The following CAST variants were observed in gnomAD, a reference collection of about 807,000 sequenced individuals.
The protein encoded by CAST is MIR583 host.
A neutral mutation model predicts 119.6 loss-of-function variants in CAST; 76 were observed. The ratio of observed to expected loss-of-function variants is 0.64; its 90% CI spans 0.53 to 0.77. CAST has a LOEUF of 0.77. CAST is among the 30% of genes least tolerant of loss of function. The pLI is 0.00. For missense variants in CAST, 953 were observed against 946.5 expected (o/e 1.01, Z -0.09); for synonymous variants, 319 against 331.6 (o/e 0.96, Z 0.41).
chr5:96,275,692 A>G, the CAST span, among the ~76,000 whole-genome samples: 1,135 of 152,296 alleles, frequency 7.5e-3, 14 homozygotes, highest in African/African-American at 0.026. Flanking sequence ...TTATGTTCAG[A>G]TATTACTTAC....
the CAST span, among the ~76,000 whole-genome samples, chr5:96,299,288 C>CA: frequency 3.9e-5 from 4 of 103,548 alleles, no homozygotes; most frequent in Admixed American, 1.8e-4. Context: ...ACAACAACAA[C>CA]AACAAACAAA....
At chr5:96,484,985 T>C in the CAST span, among the ~76,000 whole-genome samples, 97 of 152,258 alleles carry the variant, frequency 6.4e-4, 2 homozygotes, top group Non-Finnish European at 1.5e-4. Context: ...AAGGCAAAGA[T>C]TGAAGTAAAC....
the CAST span, among the ~76,000 whole-genome samples, chr5:96,270,322 G>A: frequency 0.02 from 2,970 of 152,102 alleles, 102 homozygotes; most frequent in African/African-American, 0.068. Flanking sequence ...TTTCCTCTAA[G>A]ATCTGGAACA....
At chr5:96,663,001 G>A in intron 1 of CAST, 1 of 651,320 alleles carries the variant, frequency 1.5e-6, no homozygotes, top group East Asian at 2.8e-5. Context: ...CCACCTGGCA[G>A]CCGCCTTGGG....
chr5:96,293,012 TA>T, the CAST span, among the ~76,000 whole-genome samples: 142 of 152,300 alleles, frequency 9.3e-4, no homozygotes, highest in African/African-American at 3.3e-3. Context: ...AAAGTACGAA[TA>T]GGGGTGGAGG....
chr5:96,125,589 G>A, the CAST span, among the ~76,000 whole-genome samples: 7 of 152,060 alleles, frequency 4.6e-5, no homozygotes, highest in East Asian at 1.9e-4. Context: ...ACATTTTTGT[G>A]TTTGTTTTCC....
chr5:96,099,728 A>G, the CAST span, among the ~76,000 whole-genome samples: 3 of 152,210 alleles, frequency 2.0e-5, no homozygotes, highest in East Asian at 5.8e-4. Context: ...TTGGTTTACC[A>G]GTATTTTGTT....
chr5:96,430,882 T>A, the CAST span, among the ~76,000 whole-genome samples: 1 of 152,188 alleles, frequency 6.6e-6, no homozygotes, highest in South Asian at 2.1e-4. Context: ...CTCCCAAGAA[T>A]GATGATGTAT....
At chr5:96,658,048 G>A (rs905308726), upstream of CAST, among the ~76,000 whole-genome samples, 5 of 152,004 alleles carry the variant, frequency 3.3e-5, no homozygotes, top group Admixed American at 1.3e-4. Context: ...GCGGTGAGCC[G>A]AGATCATGCC....
At position 96,585,703 on chromosome 5, in the gene CAST, A is replaced by G. The variant is rs558433782; in HGVS notation, c.60+55823A>G. ...ATTGAGAGAGTTGCCCAGTCACCCA[A>G]CAACTCATAAAAATCTGCCAAGGAC... On this transcript the variant is annotated intron_variant, in intron 1 of 11. Transcript: ENST00000505143. 8.5e-5 allele frequency among the ~76,000 whole-genome samples: 13 copies of G among 152,330 alleles called. No individual in the cohort carries two copies. In the East Asian group the frequency reaches 9.6e-4, roughly 11 times the overall value.
the CAST span, among the ~76,000 whole-genome samples, chr5:96,413,292 C>A: frequency 1.3e-5 from 2 of 152,174 alleles, no homozygotes; most frequent in African/African-American, 4.8e-5. Flanking sequence ...CAGGCTGTCA[C>A]CCGTCATCAG....
intron 1 of CAST, among the ~76,000 whole-genome samples, chr5:96,532,197 T>C (rs1745701067): frequency 6.6e-6 from 1 of 152,036 alleles, no homozygotes; most frequent in South Asian, 2.1e-4. Flanking sequence ...AAATAAATTA[T>C]CAAAGACATA....
chr5:96,364,881 G>A, the CAST span, among the ~76,000 whole-genome samples: 1 of 152,084 alleles, frequency 6.6e-6, no homozygotes, highest in Non-Finnish European at 1.5e-5. Context: ...GAATGTGTTT[G>A]CTCTTGCTTC....
At chr5:96,052,101 G>A in the CAST span, among the ~76,000 whole-genome samples, 184 of 152,230 alleles carry the variant, frequency 1.2e-3, no homozygotes, top group African/African-American at 4.3e-3. Flanking sequence ...GAGTTAGTAC[G>A]TTCATGGGTG....
chr5:96,284,032 G>A, the CAST span, among the ~76,000 whole-genome samples: 1 of 152,134 alleles, frequency 6.6e-6, no homozygotes, highest in African/African-American at 2.4e-5. Context: ...GTAAGAGGCA[G>A]CATTAGCACC....
the CAST span, among the ~76,000 whole-genome samples, chr5:96,251,651 C>T: frequency 6.6e-6 from 1 of 152,048 alleles, no homozygotes; most frequent in South Asian, 2.1e-4. Flanking sequence ...AACTAATGTA[C>T]ACACTCTGGC....
At chr5:96,649,666 T>C (rs911888192) in intron 1 of CAST, among the ~76,000 whole-genome samples, 4 of 152,220 alleles carry the variant, frequency 2.6e-5, no homozygotes, top group Non-Finnish European at 4.4e-5. Flanking sequence ...GAACTAGTGA[T>C]GTAACTTTGA....
chr5:96,429,993 C>T, the CAST span, among the ~76,000 whole-genome samples: 1 of 152,160 alleles, frequency 6.6e-6, no homozygotes, highest in African/African-American at 2.4e-5. Context: ...CAGGCAAACA[C>T]CTGGGATACT....
chr5:96,240,707 G>A, the CAST span, among the ~76,000 whole-genome samples: 4 of 147,864 alleles, frequency 2.7e-5, no homozygotes, highest in South Asian at 4.3e-4. Context: ...GGGACCACAA[G>A]TGCATGTCAC....
Sources: allele counts gnomAD v4.1 joint callset (sites outside exome capture counted in the v4.1 genomes callset), GRCh38; gene constraint gnomAD v4.1.1; transcripts MANE v1.5; gene names NCBI Gene and HGNC (gene_info 2026-07-23, HGNC 2026-07-21).